Variants in PCDH15 observed in about 807,000 individuals in gnomAD.
The protein encoded by PCDH15 is protocadherin related 15.
In PCDH15, 129 loss-of-function variants were observed where a neutral mutation model predicts 178.5. That is an observed-to-expected ratio of 0.72 (90% CI 0.63 to 0.84). The LOEUF is 0.84. Ranked by LOEUF, PCDH15 falls within the 40% of genes least tolerant of loss-of-function variation. The probability of loss-of-function intolerance (pLI) is 0.00; values close to 1 mark genes in which losing one functional copy is unlikely to be tolerated. For synonymous variants in PCDH15, 800 were observed against 732.0 expected (o/e 1.09, Z -1.50); for missense variants, 2,230 against 2,099.9 (o/e 1.06, Z -1.21).
At chr10:53,926,246 C>A (rs566377153) in intron 25 of PCDH15, among the ~76,000 whole-genome samples, 2 of 152,306 alleles carry the variant, frequency 1.3e-5, no homozygotes, top group South Asian at 4.1e-4. Context: ...ACTGAGCTAA[C>A]TTTCTCATGT....
At chr10:54,058,577 G>A (rs1047551852) in intron 18 of PCDH15, among the ~76,000 whole-genome samples, 2 of 152,116 alleles carry the variant, frequency 1.3e-5, no homozygotes, top group African/African-American at 2.4e-5. Context: ...GCTACAGTTC[G>A]AGATTTGGGT....
intron 3 of PCDH15, among the ~76,000 whole-genome samples, chr10:54,813,731 TATTCTGCACATC>T (rs1156938405): frequency 1.3e-5 from 2 of 152,218 alleles, no homozygotes; most frequent in Non-Finnish European, 2.9e-5. Context: ...CTCTTCAATC[TATTCTGCACATC>T]ATTATCAGAA....
At chr10:53,898,200 C>T (rs1260366619) in intron 26 of PCDH15, among the ~76,000 whole-genome samples, 6 of 151,776 alleles carry the variant, frequency 4.0e-5, no homozygotes, top group South Asian at 4.1e-4. Context: ...ATCTCCTGAC[C>T]TCGTGATCCG....
intron 3 of PCDH15, among the ~76,000 whole-genome samples, chr10:54,816,066 AC>A (rs1184242876): frequency 1.3e-5 from 2 of 152,010 alleles, no homozygotes. Flanking sequence ...GGCACCTCTA[AC>A]CCCTGTGTTG....
chr10:54,386,258 T>A (rs1414128497), intron 3 of PCDH15, among the ~76,000 whole-genome samples: 1 of 150,350 alleles, frequency 6.7e-6, no homozygotes, highest in Admixed American at 6.7e-5. Context: ...TGATAGCTGA[T>A]GAGTTACAAA....
intron 2 of PCDH15, among the ~76,000 whole-genome samples, chr10:55,044,677 T>C (rs958081423): frequency 1.3e-5 from 2 of 152,154 alleles, no homozygotes; most frequent in Non-Finnish European, 2.9e-5. Flanking sequence ...ATATGTTTAT[T>C]GCTCACTGTT....
intron 3 of PCDH15, among the ~76,000 whole-genome samples, chr10:54,466,963 T>C (rs2077560465): frequency 6.6e-6 from 1 of 151,956 alleles, no homozygotes; most frequent in South Asian, 2.1e-4. Context: ...AGCTAATTCA[T>C]TACTGGTATA....
At chr10:55,396,524 C>T (rs1258745027) in intron 2 of PCDH15, among the ~76,000 whole-genome samples, 1 of 152,100 alleles carries the variant, frequency 6.6e-6, no homozygotes, top group Non-Finnish European at 1.5e-5. Context: ...TCCTCAGAGT[C>T]GCTAAAATTG....
intron 1 of PCDH15, among the ~76,000 whole-genome samples, chr10:54,795,914 G>T (rs1284184055): frequency 6.6e-6 from 1 of 151,828 alleles, no homozygotes; most frequent in Non-Finnish European, 1.5e-5. Flanking sequence ...TCCATTTACT[G>T]AAATATACCT....
intron 2 of PCDH15, among the ~76,000 whole-genome samples, chr10:55,342,071 C>T (rs2384632): frequency 0.21 from 31,774 of 150,584 alleles, 3,783 homozygotes; most frequent in African/African-American, 0.32. Context: ...GAAAATCAAT[C>T]TTTTCATTTT....
Position 55,105,630 on chromosome 10 carries a change from G to A in PCDH15, c.-80+60946C>T, listed in dbSNP as rs1381688783. Among the ~76,000 whole-genome samples the A allele has an allele frequency of 3.9e-5, 6 of 152,112 alleles. No homozygotes were observed. The East Asian group carries it at 7.7e-4, about 20-fold the overall frequency. On this transcript the variant is annotated intron_variant, in intron 2 of 5. Transcript: ENST00000458638. ...TAGATGAATTCTCCTCTATTCATCT[G>A]GCTGTTTTGGAAAACTTAAGTCATA...
intron 1 of PCDH15, among the ~76,000 whole-genome samples, chr10:55,166,905 A>G (rs1839209978): frequency 6.6e-6 from 1 of 152,104 alleles, no homozygotes; most frequent in Non-Finnish European, 1.5e-5. Context: ...CTCAGGTTAT[A>G]TTCTTTACCC....
intron 2 of PCDH15, among the ~76,000 whole-genome samples, chr10:54,597,664 T>C (rs1029631069): frequency 6.6e-6 from 1 of 151,822 alleles, no homozygotes; most frequent in Non-Finnish European, 1.5e-5. Flanking sequence ...TGAGACATAA[T>C]ACAACCATTC....
chr10:55,498,896 C>T (rs1840593339), intron 2 of PCDH15, among the ~76,000 whole-genome samples: 1 of 151,802 alleles, frequency 6.6e-6, no homozygotes, highest in Non-Finnish European at 1.5e-5. Context: ...CAAATACCAT[C>T]CTGTTGACTT....
At chr10:54,723,328 G>A (rs545365027) in intron 1 of PCDH15, among the ~76,000 whole-genome samples, 74 of 151,788 alleles carry the variant, frequency 4.9e-4, no homozygotes, top group African/African-American at 1.6e-3. Context: ...ATGATGCTGG[G>A]AAAATTGGCT....
intron 2 of PCDH15, among the ~76,000 whole-genome samples, chr10:54,618,097 A>G (rs968976385): frequency 2.6e-5 from 4 of 152,102 alleles, no homozygotes; most frequent in Non-Finnish European, 5.9e-5. Context: ...AGCATGTTCT[A>G]AAGTTCTTCT....
chr10:55,617,895 T>C (rs769033555), intron 2 of PCDH15, among the ~76,000 whole-genome samples: 1 of 152,028 alleles, frequency 6.6e-6, no homozygotes, highest in Non-Finnish European at 1.5e-5. Flanking sequence ...CTCTAACTTT[T>C]AATTGATGTT....
intron 8 of PCDH15, among the ~76,000 whole-genome samples, chr10:54,259,724 G>A (rs1300878746): frequency 6.6e-6 from 1 of 152,010 alleles, no homozygotes; most frequent in African/African-American, 2.4e-5. Flanking sequence ...AAGATTGTAG[G>A]ATATAAACTC....
intron 9 of PCDH15, among the ~76,000 whole-genome samples, chr10:54,235,328 AG>A (rs1318204463): frequency 4.6e-5 from 7 of 152,332 alleles, no homozygotes; most frequent in African/African-American, 1.7e-4. Context: ...AGTCAGTGAT[AG>A]GGGTTGCTTC....
Sources: gnomAD v4.1 joint callset for allele counts (sites outside exome capture counted in the v4.1 genomes callset) on GRCh38, gnomAD v4.1.1 for gene constraint, MANE v1.5 for transcripts, NCBI Gene and HGNC (gene_info 2026-07-23, HGNC 2026-07-21) for gene names.